The following KAZN variants were observed in gnomAD, a reference collection of about 807,000 sequenced individuals.
KAZN encodes kazrin, periplakin interacting protein.
Under a neutral mutation model 87.4 loss-of-function variants are expected in KAZN, and 40 were observed. The ratio of observed to expected loss-of-function variants is 0.46; its 90% CI spans 0.36 to 0.60. The LOEUF is 0.60. KAZN is among the 20% of genes least tolerant of loss of function. The pLI is 0.00. For synonymous variants in KAZN, 466 were observed against 458.3 expected, an observed-to-expected ratio of 1.02 and a Z score of -0.22; for missense variants, 898 against 1,073.9, an observed-to-expected ratio of 0.84 and a Z score of 2.29.
chr1:14,012,549 TCA>T (rs1258591437), intron 1 of KAZN, among the ~76,000 whole-genome samples: 10 of 152,184 alleles, frequency 6.6e-5, no homozygotes, highest in Non-Finnish European at 1.5e-5. Context: ...GCAAGGTGGC[TCA>T]CACCTGTAGT....
At chr1:14,847,141 A>C (rs1251341409) in intron 1 of KAZN, among the ~76,000 whole-genome samples, 1 of 152,244 alleles carries the variant, frequency 6.6e-6, no homozygotes, top group Admixed American at 6.5e-5. Flanking sequence ...TAAAAATAAA[A>C]GATATGCCGG....
At chr1:14,048,251 A>G (rs951519975) in intron 1 of KAZN, among the ~76,000 whole-genome samples, 1 of 152,116 alleles carries the variant, frequency 6.6e-6, no homozygotes, top group African/African-American at 2.4e-5. Flanking sequence ...TTCTGGCCAA[A>G]TGTATCTCAA....
At chr1:14,103,287 A>C (rs978638900) in intron 1 of KAZN, among the ~76,000 whole-genome samples, 1 of 152,138 alleles carries the variant, frequency 6.6e-6, no homozygotes, top group Admixed American at 6.5e-5. Context: ...TTATACATCT[A>C]TCTCTTCTTG....
At chr1:14,743,402 C>A (rs2100445298) in intron 1 of KAZN, among the ~76,000 whole-genome samples, 1 of 151,288 alleles carries the variant, frequency 6.6e-6, no homozygotes, top group East Asian at 1.9e-4. Flanking sequence ...TGCACTCTAG[C>A]CTGGGGGACT....
intron 2 of KAZN, among the ~76,000 whole-genome samples, chr1:14,453,061 T>C (rs1282201090): frequency 6.6e-6 from 1 of 152,148 alleles, no homozygotes; most frequent in Non-Finnish European, 1.5e-5. Context: ...GTTTATGCCA[T>C]TCTTCTGCCT....
At chr1:14,427,570 CAT>C (rs1348699374) in intron 2 of KAZN, among the ~76,000 whole-genome samples, 2 of 151,266 alleles carry the variant, frequency 1.3e-5, no homozygotes, top group African/African-American at 2.4e-5. Flanking sequence ...ATTAAAGGTA[CAT>C]ATGTGTACAC....
intron 1 of KAZN, among the ~76,000 whole-genome samples, chr1:14,127,296 A>G (rs376323899): frequency 2.0e-5 from 3 of 152,198 alleles, no homozygotes; most frequent in African/African-American, 7.2e-5. Context: ...GCGATTTAAC[A>G]TAGGACAGGC....
At chr1:14,433,161 C>T (rs571879541) in intron 2 of KAZN, among the ~76,000 whole-genome samples, 1 of 152,206 alleles carries the variant, frequency 6.6e-6, no homozygotes, top group East Asian at 1.9e-4. Context: ...GAGATACGAA[C>T]ATGCAGACAC....
At chr1:14,613,133 G>A (rs774298215) in intron 1 of KAZN, among the ~76,000 whole-genome samples, 2 of 152,132 alleles carry the variant, frequency 1.3e-5, no homozygotes, top group South Asian at 2.1e-4. Flanking sequence ...GCCTTTTAAT[G>A]TATAGGTACT....
chr1:14,304,570 CA>C (rs1654785829), intron 2 of KAZN: 1 of 398,216 alleles, frequency 2.5e-6, no homozygotes, highest in African/African-American at 2.1e-5. Flanking sequence ...TTATGTCAAA[CA>C]TTGCTATTTT....
intron 1 of KAZN, among the ~76,000 whole-genome samples, chr1:14,901,144 G>C (rs1182166606): frequency 6.6e-6 from 1 of 152,134 alleles, no homozygotes; most frequent in African/African-American, 2.4e-5. Flanking sequence ...AACTGGTCGG[G>C]GACAACTGGG....
intron 1 of KAZN, among the ~76,000 whole-genome samples, chr1:13,928,377 C>T (rs1425469513): frequency 6.6e-6 from 1 of 152,136 alleles, no homozygotes. Context: ...TGTTATATAC[C>T]TGGCACTCTG....
intron 2 of KAZN, among the ~76,000 whole-genome samples, chr1:15,022,334 G>A (rs892832940): frequency 6.6e-6 from 1 of 152,116 alleles, no homozygotes; most frequent in Non-Finnish European, 1.5e-5. Flanking sequence ...GAGCCTCTCT[G>A]GCTGTTAGGC....
chr1:14,028,705 A>G (rs553082744), intron 1 of KAZN, among the ~76,000 whole-genome samples: 110 of 152,338 alleles, frequency 7.2e-4, no homozygotes, highest in African/African-American at 2.5e-3. Flanking sequence ...CGTCCATTGT[A>G]AAAGCTAGCT....
intron 2 of KAZN, among the ~76,000 whole-genome samples, chr1:14,191,060 T>A (rs1385658241): frequency 6.6e-6 from 1 of 152,170 alleles, no homozygotes. Flanking sequence ...CTGCAGCATG[T>A]GCCCCCTGGT....
chr1:14,537,261 G>A (rs1000152855), intron 2 of KAZN, among the ~76,000 whole-genome samples: 11 of 152,158 alleles, frequency 7.2e-5, no homozygotes, highest in African/African-American at 2.7e-4. Flanking sequence ...CTGAACCCAT[G>A]CAGGCTACCA....
At chr1:14,624,137 A>G (rs1356069115) in intron 1 of KAZN, among the ~76,000 whole-genome samples, 1 of 152,134 alleles carries the variant, frequency 6.6e-6, no homozygotes, top group African/African-American at 2.4e-5. Flanking sequence ...GAATATTAAA[A>G]CCAGGCCGGG....
At chr1:14,360,214 C>T (rs1659388000) in intron 2 of KAZN, among the ~76,000 whole-genome samples, 1 of 152,136 alleles carries the variant, frequency 6.6e-6, no homozygotes, top group South Asian at 2.1e-4. Context: ...GATATCCTTT[C>T]TTCCACTTGA....
chr1:14,774,558 C>T (rs1645121344), intron 1 of KAZN, among the ~76,000 whole-genome samples: 1 of 151,530 alleles, frequency 6.6e-6, no homozygotes, highest in Non-Finnish European at 1.5e-5. Flanking sequence ...GTAACCTTGA[C>T]CTCCTGGGCT....
Sources: gnomAD v4.1 joint callset for allele counts (sites outside exome capture counted in the v4.1 genomes callset) on GRCh38, gnomAD v4.1.1 for gene constraint, MANE v1.5 for transcripts, NCBI Gene and HGNC (gene_info 2026-07-23, HGNC 2026-07-21) for gene names.